The following PIK3R3 variants were observed in gnomAD, a reference collection of about 807,000 sequenced individuals.
PIK3R3 encodes phosphatidylinositol 3-kinase regulatory subunit gamma.
PIK3R3 carries 64 observed loss-of-function variants against 62.9 expected under a neutral mutation model. The observed-to-expected ratio is 1.02, with a 90% CI of 0.83 to 1.25. PIK3R3 has a LOEUF of 1.25. Among genes scored for constraint, PIK3R3 ranks in the 50% most tolerant of loss-of-function variants. PIK3R3 has a pLI of 0.00. For synonymous variants in PIK3R3, 165 were observed against 189.0 expected, an observed-to-expected ratio of 0.87 and a Z score of 1.04; for missense variants, 614 against 561.6, an observed-to-expected ratio of 1.09 and a Z score of -0.94.
chr1:46,146,257 C>G, the PIK3R3 span, among the ~76,000 whole-genome samples: 1 of 152,188 alleles, frequency 6.6e-6, no homozygotes, highest in Non-Finnish European at 1.5e-5. Context: ...CTCGTGAACT[C>G]TAATGCTGAC....
chr1:46,129,111 G>C (rs1478424069), intron 1 of PIK3R3, among the ~76,000 whole-genome samples: 2 of 151,824 alleles, frequency 1.3e-5, no homozygotes, highest in Admixed American at 6.6e-5. Context: ...AGAAGAGGGA[G>C]GCAAGAGGAA....
intron 1 of PIK3R3, among the ~76,000 whole-genome samples, chr1:46,103,023 T>A (rs1194038313): frequency 1.3e-5 from 2 of 152,142 alleles, no homozygotes; most frequent in Non-Finnish European, 2.9e-5. Flanking sequence ...TATGCTACAA[T>A]ATAACTGAAA....
intron 3 of PIK3R3, among the ~76,000 whole-genome samples, chr1:46,068,252 T>C (rs537616033): frequency 6.6e-6 from 1 of 152,186 alleles, no homozygotes; most frequent in Non-Finnish European, 1.5e-5. Flanking sequence ...CATACAATAA[T>C]TGCAAGCTGG....
chr1:46,132,826 T>C, upstream of PIK3R3: 1 of 1,216,516 alleles, frequency 8.2e-7, no homozygotes, highest in Non-Finnish European at 1.1e-6. Flanking sequence ...AAAAAGCTGC[T>C]CTCCATCTCG....
rs937886941 is a variant in PIK3R3 at position 46,041,518 on chromosome 1, GC to G, written c.*2154del. On this transcript the variant is annotated 3_prime_UTR_variant, in exon 10 of 10. Coordinates refer to ENST00000262741, the MANE Select transcript of PIK3R3 (RefSeq NM_003629.4). Reference sequence around the variant, plus strand: ...AGCAGACACATTACTGAATACTACAGCCCTGTATCTGTATTTCCATTTTGGT... The same window carrying G: ...AGCAGACACATTACTGAATACTACAGCCTGTATCTGTATTTCCATTTTGGT... 34 of 176,730 alleles carry G rather than the reference GC, an allele frequency of 1.9e-4. No homozygotes were observed. The highest frequency in any genetic ancestry group is 3.7e-4 in the Non-Finnish European group (30 of 81,906). The allele number at this position is 176,730 out of a possible 1,614,324, so 10.9% of individuals were successfully genotyped here.
the PIK3R3 span, among the ~76,000 whole-genome samples, chr1:46,161,591 C>T: frequency 6.6e-6 from 1 of 152,052 alleles, no homozygotes; most frequent in African/African-American, 2.4e-5. Context: ...TAATCCAAGC[C>T]AGGCATGGTG....
chr1:46,081,273 T>A (rs1612419), intron 1 of PIK3R3, among the ~76,000 whole-genome samples: 1 of 152,028 alleles, frequency 6.6e-6, no homozygotes, highest in African/African-American at 2.4e-5. Flanking sequence ...TGAATTTCAA[T>A]GTATATAAAC....
chr1:46,045,737 C>T (rs547627747), intron 9 of PIK3R3, among the ~76,000 whole-genome samples, 181 bp downstream of exon 9: 88 of 144,158 alleles, frequency 6.1e-4, no homozygotes, highest in Middle Eastern at 7.3e-3. Context: ...ATTAAAACTC[C>T]AAGATAATTT....
In PIK3R3 at chr1:46,044,042, GTGTTAAAACAA is replaced by G. The variant is rs1185650514; in HGVS notation, c.1188-182_1188-172del. Among the ~76,000 whole-genome samples, 2 of 151,956 alleles carry G rather than the reference GTGTTAAAACAA, an allele frequency of 1.3e-5. No individual in the cohort carries two copies. The highest frequency in any genetic ancestry group is 2.9e-5 in the Non-Finnish European group (2 of 68,012). ...CCTACAGACTTGGCCACAGATACGGGTGTTAAAACAACCACAAATGTAAGGGTTTATTTATT... is the reference window on the plus strand; with the variant it reads ...CCTACAGACTTGGCCACAGATACGGGCCACAAATGTAAGGGTTTATTTATT... On this transcript the variant is annotated intron_variant, in intron 9 of 9. Transcript: ENST00000262741. This position sits in a 1 kb window ranked among gnomAD's most constrained non-coding sequence, Gnocchi z 4.2.
At chr1:46,115,108 G>A (rs541140205) in intron 1 of PIK3R3, among the ~76,000 whole-genome samples, 1 of 152,198 alleles carries the variant, frequency 6.6e-6, no homozygotes, top group Non-Finnish European at 1.5e-5. Flanking sequence ...CCAGGAATGA[G>A]GAAACATACA....
chr1:46,173,054 G>A, the PIK3R3 span, among the ~76,000 whole-genome samples: 1 of 152,092 alleles, frequency 6.6e-6, no homozygotes, highest in Non-Finnish European at 1.5e-5. Flanking sequence ...TGAGTATCAT[G>A]GGCCACCAAT....
the PIK3R3 span, among the ~76,000 whole-genome samples, chr1:46,148,822 G>A: frequency 6.6e-6 from 1 of 151,734 alleles, no homozygotes; most frequent in Non-Finnish European, 1.5e-5. Flanking sequence ...AATGCCTCCA[G>A]ATAAATTCAA....
intron 5 of PIK3R3, 97 bp from the exon 6 acceptor site, chr1:46,062,168 G>T: frequency 1.0e-6 from 1 of 995,022 alleles, no homozygotes; most frequent in Non-Finnish European, 1.5e-6. Flanking sequence ...AGTTATTAAT[G>T]TAATCCCATA....
chr1:46,131,285 C>A (rs1480449875), intron 1 of PIK3R3, among the ~76,000 whole-genome samples: 1 of 152,034 alleles, frequency 6.6e-6, no homozygotes, highest in Non-Finnish European at 1.5e-5. Flanking sequence ...AACGCCCAAT[C>A]CCTAAAAAAA....
At chr1:46,087,322 A>G (rs1472059284) in intron 1 of PIK3R3, among the ~76,000 whole-genome samples, 2 of 151,984 alleles carry the variant, frequency 1.3e-5, no homozygotes, top group Admixed American at 6.5e-5. Context: ...TGTAAAAAAA[A>G]AAAGAAAGAA....
intron 1 of PIK3R3, among the ~76,000 whole-genome samples, chr1:46,118,700 C>T (rs1211848500): frequency 3.3e-5 from 5 of 151,710 alleles, no homozygotes; most frequent in East Asian, 1.9e-4. Context: ...GGATTATAGG[C>T]GCCCACCACC....
At chr1:46,153,611 A>G in the PIK3R3 span, among the ~76,000 whole-genome samples, 11 of 152,098 alleles carry the variant, frequency 7.2e-5, no homozygotes, top group South Asian at 4.1e-4. Flanking sequence ...CTCTTTCCCA[A>G]TGTTTTTCCC....
At chr1:46,110,420 C>T (rs1653637467) in intron 1 of PIK3R3, among the ~76,000 whole-genome samples, 1 of 151,922 alleles carries the variant, frequency 6.6e-6, no homozygotes, top group African/African-American at 2.4e-5. Context: ...CCAGGCTCAG[C>T]CTGAGCCACC....
chr1:46,065,695 AGAGT>A (rs1281586309), intron 5 of PIK3R3, among the ~76,000 whole-genome samples: 2 of 152,232 alleles, frequency 1.3e-5, no homozygotes, highest in African/African-American at 4.8e-5. Flanking sequence ...GGCTGATATT[AGAGT>A]AAGCCCTCTT....
Sources: allele counts gnomAD v4.1 joint callset (sites outside exome capture counted in the v4.1 genomes callset), GRCh38; gene constraint gnomAD v4.1.1; non-coding constraint Gnocchi (gnomAD v3.1); transcripts MANE v1.5; gene names NCBI Gene and HGNC (gene_info 2026-07-23, HGNC 2026-07-21).